Variants in CDH23 observed in about 807,000 individuals in gnomAD.
CDH23 encodes cadherin-23.
In CDH23, 189 loss-of-function variants were observed where a neutral mutation model predicts 317.1. The observed-to-expected ratio is 0.60, with a 90% CI of 0.53 to 0.67. CDH23 has a LOEUF of 0.67. Ranked by LOEUF, CDH23 falls within the 30% of genes least tolerant of loss-of-function variation. The probability of loss-of-function intolerance (pLI) is 0.00; values close to 1 mark genes in which losing one functional copy is unlikely to be tolerated. For synonymous variants in CDH23, 1,839 were observed against 1,876.8 expected (o/e 0.98, Z 0.52); for missense variants, 4,401 against 4,592.4 (o/e 0.96, Z 1.20).
chr10:71,536,248 G>A (rs909432018), intron 6 of CDH23, among the ~76,000 whole-genome samples: 10 of 152,350 alleles, frequency 6.6e-5, no homozygotes, highest in Non-Finnish European at 1.3e-4. Context: ...CACCCTGAAC[G>A]GTATGGCTTG....
Position 71,799,547 on chromosome 10 carries a change from C to G in CDH23, c.7280C>G (p.Thr2427Ser). The change falls in exon 52 of 70, where the codon ACT (threonine) becomes AGT (serine). Residue 2427 changes from threonine to serine, a missense_variant. Thr to Ser is a moderately conservative substitution (Grantham distance 58, BLOSUM62 1). Transcript: ENST00000224721. ...ACAATCATCCTGACAGTCACTGCCA[C>G]TGATGCTGACTCAGGCAACTTTGCA... Reference protein sequence around the residue: ...VGTIILTVTATDADSGNFALI... With the variant: ...VGTIILTVTASDADSGNFALI... The G allele has an allele frequency of 6.2e-7, 1 of 1,614,090 alleles. No individual in the cohort carries two copies. The highest frequency in any genetic ancestry group is 8.5e-7 in the Non-Finnish European group (1 of 1,179,904).
At chr10:71,429,909 A>G (rs1322479606) in intron 1 of CDH23, among the ~76,000 whole-genome samples, 1 of 152,196 alleles carries the variant, frequency 6.6e-6, no homozygotes, top group Non-Finnish European at 1.5e-5. Context: ...CACGCAGCTG[A>G]GATAGGTGCC....
chr10:71,759,899 A>G (rs1322925440), intron 38 of CDH23, among the ~76,000 whole-genome samples: 4 of 51,030 alleles, frequency 7.8e-5, no homozygotes, highest in African/African-American at 1.6e-4. Flanking sequence ...ACACACACAC[A>G]TATATACACA....
intron 6 of CDH23, among the ~76,000 whole-genome samples, chr10:71,557,786 A>G (rs1461799255): frequency 6.6e-6 from 1 of 152,168 alleles, no homozygotes; most frequent in African/African-American, 2.4e-5. Flanking sequence ...TCCTTTGTAT[A>G]TGACCTTTTG....
At chr10:71,515,782 G>T (rs1184689501) in intron 6 of CDH23, among the ~76,000 whole-genome samples, 1 of 152,234 alleles carries the variant, frequency 6.6e-6, no homozygotes, top group African/African-American at 2.4e-5. Context: ...GGCTTGTAGT[G>T]TATTCAGTAA....
At chr10:71,652,771 G>A (rs1014554544) in intron 14 of CDH23, among the ~76,000 whole-genome samples, 1 of 152,190 alleles carries the variant, frequency 6.6e-6, no homozygotes, top group Non-Finnish European at 1.5e-5. Flanking sequence ...ACGGGCCCTG[G>A]GCAAGGACAC....
chr10:71,757,229 G>C (rs549623711), intron 38 of CDH23, among the ~76,000 whole-genome samples: 2 of 152,338 alleles, frequency 1.3e-5, no homozygotes, highest in Admixed American at 6.5e-5. Flanking sequence ...TGTGAGCTTT[G>C]CCAGGTGCTC....
chr10:71,621,730 G>A (rs915736370), intron 11 of CDH23, among the ~76,000 whole-genome samples: 8 of 152,150 alleles, frequency 5.3e-5, no homozygotes, highest in South Asian at 2.1e-4. Context: ...GATGCTAATC[G>A]AATTCACTGC....
chr10:71,635,409 C>G (rs1198808370), intron 11 of CDH23: 1 of 152,506 alleles, frequency 6.6e-6, no homozygotes, highest in African/African-American at 2.4e-5. Flanking sequence ...AGCTGCCAAT[C>G]GGATTGAATT....
At chr10:71,461,745 C>T (rs545577498) in intron 3 of CDH23, among the ~76,000 whole-genome samples, 40 of 152,322 alleles carry the variant, frequency 2.6e-4, no homozygotes, top group African/African-American at 9.4e-4. Context: ...GCCACCCTCA[C>T]CCCCACTTTA....
At chr10:71,450,931 C>T (rs1850409572) in intron 3 of CDH23, among the ~76,000 whole-genome samples, 1 of 152,160 alleles carries the variant, frequency 6.6e-6, no homozygotes, top group Admixed American at 6.5e-5. Context: ...CTCTACTCAA[C>T]ATTTCTGCCT....
At chr10:71,663,129 G>C (rs1863746775) in intron 14 of CDH23, among the ~76,000 whole-genome samples, 3 of 152,148 alleles carry the variant, frequency 2.0e-5, no homozygotes, top group Admixed American at 2.0e-4. Flanking sequence ...TTCCAAATAA[G>C]GTCACATTTG....
At chr10:71,626,286 T>A (rs2132541697) in intron 11 of CDH23, among the ~76,000 whole-genome samples, 1 of 152,302 alleles carries the variant, frequency 6.6e-6, no homozygotes, top group South Asian at 2.1e-4. Context: ...TTAGTCCCTG[T>A]ACTGCGCTAA....
intron 6 of CDH23, among the ~76,000 whole-genome samples, chr10:71,536,123 G>T (rs1855686977): frequency 6.6e-6 from 1 of 152,256 alleles, no homozygotes; most frequent in Admixed American, 6.5e-5. Flanking sequence ...GTGGGAAAGG[G>T]AACCAAACAT....
chr10:71,561,392 C>T lies in CDH23; in HGVS notation c.430-5350C>T, dbSNP rs147530591. On this transcript the variant is annotated intron_variant, in intron 6 of 69. Coordinates refer to ENST00000224721, the MANE Select transcript of CDH23 (RefSeq NM_022124.6). ...GCCCCACTCCCTCTGGCCTTTTCTC[C>T]CTTGCTGCACACCCTCCCTCACCCT... Among the ~76,000 whole-genome samples, 4 of 152,162 alleles carry T rather than the reference C, an allele frequency of 2.6e-5. No homozygotes were observed. In the East Asian group the frequency reaches 7.7e-4, roughly 29 times the overall value.
intron 6 of CDH23, among the ~76,000 whole-genome samples, chr10:71,521,900 C>G (rs950116073): frequency 6.6e-6 from 1 of 152,118 alleles, no homozygotes; most frequent in African/African-American, 2.4e-5. Context: ...TGGCCCCTGG[C>G]CCCCCACCTG....
At chr10:71,495,231 G>A (rs1364942567) in intron 3 of CDH23, among the ~76,000 whole-genome samples, 1 of 152,144 alleles carries the variant, frequency 6.6e-6, no homozygotes, top group Non-Finnish European at 1.5e-5. Flanking sequence ...TAATTTTAGG[G>A]CAAAATGAAT....
intron 17 of CDH23, among the ~76,000 whole-genome samples, chr10:71,680,746 C>CAAA (rs1234418702): frequency 1.9e-4 from 3 of 15,934 alleles, no homozygotes; most frequent in Non-Finnish European, 4.1e-4. Context: ...CACTCCGTCT[C>CAAA]AAAAAAAAAA....
In CDH23 at chr10:71,712,661, A is replaced by T. The variant is rs941805977; in HGVS notation, c.3221-4A>T. 5.0e-6 allele frequency: 8 copies of T among 1,613,028 alleles called. No homozygotes were observed. The highest frequency in any genetic ancestry group is 3.3e-5 in the Admixed American group (2 of 60,006). On this transcript the variant is annotated splice_region_variant and splice_polypyrimidine_tract_variant and intron_variant, in intron 27 of 69. Coordinates refer to ENST00000224721, the MANE Select transcript of CDH23 (RefSeq NM_022124.6). ...TAACACCTGTCTTCCTTCAACTCCC[A>T]CAGACAACGGCCCTGTAGGGAAGCG...
Sources: allele counts gnomAD v4.1 joint callset (sites outside exome capture counted in the v4.1 genomes callset), GRCh38; gene constraint gnomAD v4.1.1; transcripts MANE v1.5; gene names NCBI Gene and HGNC (gene_info 2026-07-23, HGNC 2026-07-21).